Variants in INSYN2B observed in about 807,000 individuals in gnomAD.
INSYN2B encodes the protein protein INSYN2B.
A neutral mutation model predicts 41.2 loss-of-function variants in INSYN2B; 16 were observed. The ratio of observed to expected loss-of-function variants is 0.39; its 90% CI spans 0.26 to 0.59. The LOEUF (loss-of-function observed/expected upper bound fraction) is 0.59. INSYN2B is among the 20% of genes least tolerant of loss of function. The probability of loss-of-function intolerance (pLI) is 0.57; values close to 1 mark genes in which losing one functional copy is unlikely to be tolerated. For missense variants in INSYN2B, 608 were observed against 646.4 expected (o/e 0.94, Z 0.64); for synonymous variants, 245 against 244.4 (o/e 1.00, Z -0.02).
intron 3 of INSYN2B, among the ~76,000 whole-genome samples, chr5:169,873,841 C>T (rs1251299333): frequency 2.0e-5 from 3 of 152,186 alleles, no homozygotes; most frequent in African/African-American, 4.8e-5. Context: ...TGACCTCAAG[C>T]GGCTCACACA....
At chr5:169,972,494 A>ATTATT (rs35770870) in intron 1 of INSYN2B, among the ~76,000 whole-genome samples, 1 of 10,978 alleles carries the variant, frequency 9.1e-5, no homozygotes, top group African/African-American at 5.1e-3. Flanking sequence ...ATTTCAAGGC[A>ATTATT]ATGCCCTTTG....
At chr5:169,952,581 C>T (rs990654267) in intron 1 of INSYN2B, among the ~76,000 whole-genome samples, 1 of 152,088 alleles carries the variant, frequency 6.6e-6, no homozygotes, top group African/African-American at 2.4e-5. Flanking sequence ...GCACATGAGA[C>T]TGTACAGGAG....
intron 1 of INSYN2B, 23 bp downstream of exon 1, chr5:169,980,254 T>A (rs1777892779): frequency 6.6e-6 from 1 of 152,028 alleles, no homozygotes; most frequent in East Asian, 1.9e-4. Flanking sequence ...TCATAAAAAA[T>A]AAAACCTACC....
intron 1 of INSYN2B, among the ~76,000 whole-genome samples, chr5:169,892,280 A>T (rs1022096022): frequency 6.6e-6 from 1 of 152,224 alleles, no homozygotes; most frequent in Non-Finnish European, 1.5e-5. Flanking sequence ...TGAGACTCTG[A>T]GCAGCTGTCT....
intron 1 of INSYN2B, among the ~76,000 whole-genome samples, chr5:169,966,707 TCTC>T (rs1777313860): frequency 6.6e-6 from 1 of 152,074 alleles, no homozygotes; most frequent in African/African-American, 2.4e-5. Context: ...GAGACTATGG[TCTC>T]CTCACTCTGG....
intron 1 of INSYN2B, among the ~76,000 whole-genome samples, chr5:169,935,305 A>G (rs115642201): frequency 3.4e-3 from 525 of 152,352 alleles, no homozygotes; most frequent in Non-Finnish European, 5.7e-3. Context: ...GACCAAAAAA[A>G]GGTCTCATCT....
chr5:169,973,933 A>G (rs571623120), intron 1 of INSYN2B, among the ~76,000 whole-genome samples: 8 of 152,176 alleles, frequency 5.3e-5, no homozygotes, highest in South Asian at 2.1e-4. Context: ...CTCCTCTTCT[A>G]TATAGGCACA....
chr5:169,975,535 A>G (rs1358721781), intron 1 of INSYN2B, among the ~76,000 whole-genome samples: 1 of 152,096 alleles, frequency 6.6e-6, no homozygotes, highest in Non-Finnish European at 1.5e-5. Context: ...AGCTCCTCCG[A>G]CGCTCCAAGC....
chr5:169,925,106 C>A (rs1432904058), intron 1 of INSYN2B, among the ~76,000 whole-genome samples: 1 of 152,006 alleles, frequency 6.6e-6, no homozygotes, highest in Non-Finnish European at 1.5e-5. Context: ...CCACCCCAAC[C>A]CCCCATTCAT....
chr5:169,925,107 C>G (rs1775364786), intron 1 of INSYN2B, among the ~76,000 whole-genome samples: 1 of 152,082 alleles, frequency 6.6e-6, no homozygotes, highest in Non-Finnish European at 1.5e-5. Flanking sequence ...CACCCCAACC[C>G]CCCATTCATC....
At chr5:169,878,019 G>A (rs1772427746) in intron 3 of INSYN2B, among the ~76,000 whole-genome samples, 1 of 152,168 alleles carries the variant, frequency 6.6e-6, no homozygotes, top group Admixed American at 6.5e-5. Context: ...CTGAAACCAA[G>A]CAGTTTTTTC....
intron 1 of INSYN2B, among the ~76,000 whole-genome samples, chr5:169,933,479 A>G (rs937841335): frequency 1.3e-5 from 2 of 152,262 alleles, no homozygotes; most frequent in African/African-American, 4.8e-5. Flanking sequence ...CTGAGCATCA[A>G]GAGTCTGCAT....
At chr5:169,956,877 G>T (rs1200934556) in intron 1 of INSYN2B, among the ~76,000 whole-genome samples, 1 of 152,144 alleles carries the variant, frequency 6.6e-6, no homozygotes, top group African/African-American at 2.4e-5. Context: ...AGGAAAATGT[G>T]TAGGATGTTT....
At chr5:169,898,887 A>G (rs1773764386) in intron 1 of INSYN2B, among the ~76,000 whole-genome samples, 1 of 152,216 alleles carries the variant, frequency 6.6e-6, no homozygotes, top group Non-Finnish European at 1.5e-5. Flanking sequence ...TCAGAGAACC[A>G]GATGGAAATG....
chr5:169,945,261 C>T (rs1776399636), intron 1 of INSYN2B, among the ~76,000 whole-genome samples: 1 of 152,232 alleles, frequency 6.6e-6, no homozygotes, highest in African/African-American at 2.4e-5. Flanking sequence ...TACAACGGGT[C>T]AATAATACCA....
rs1475660161 is a variant in INSYN2B at position 169,883,156 on chromosome 5, G to A, written c.743C>T (p.Thr248Ile). The change falls in exon 2 of 4, where the codon ACT (threonine) becomes ATT (isoleucine). Residue 248 changes from threonine (T) to isoleucine (I), a missense_variant. By Grantham distance (89) the Thr-to-Ile change is moderately conservative. Transcript: ENST00000377365. ...GGTGGATTTTTCTGAATCTAGTGGA[G>A]TCACCCTTCTCCCATCACCTGGACG... ...DTRPGDGRRV[T>I]PLDSEKSTSC... The A allele has an allele frequency of 6.4e-6, 10 of 1,551,480 alleles. No homozygotes were observed. The East Asian group carries it at 2.0e-4, about 30-fold the overall frequency.
intron 1 of INSYN2B, among the ~76,000 whole-genome samples, chr5:169,898,972 A>G (rs139730570): frequency 5.8e-4 from 88 of 152,302 alleles, no homozygotes; most frequent in African/African-American, 2.0e-3. Flanking sequence ...CCAGAAGTTA[A>G]GAACTCAGTC....
rs140484421 is a variant in INSYN2B at position 169,883,713 on chromosome 5, C to A, written c.186G>T (p.Pro62=). Residue 62 remains proline (P), a synonymous_variant, in exon 2 of 4, where the codon CCG becomes CCT. Coordinates refer to ENST00000377365, the MANE Select transcript of INSYN2B (RefSeq NM_001129891.3). ...TTGCTTGAGTCTTCCCCATCACAGC[C>A]GGGTCTTCTGGAGTTTGGACGTCAA... is the stretch of plus-strand genomic sequence containing the variant. ...AEVDVQTPED[P]AVMGKTQATR... 6.4e-7 allele frequency: 1 copy of A among 1,551,384 alleles called. No individual in the cohort carries two copies. The highest frequency in any genetic ancestry group is 1.4e-5 in the African/African-American group (1 of 73,116).
At chr5:169,970,817 T>C (rs1777475538) in intron 1 of INSYN2B, among the ~76,000 whole-genome samples, 1 of 152,228 alleles carries the variant, frequency 6.6e-6, no homozygotes, top group African/African-American at 2.4e-5. Flanking sequence ...TGATCTGATA[T>C]CTGGGCTCCA....
Sources: allele counts gnomAD v4.1 joint callset (sites outside exome capture counted in the v4.1 genomes callset), GRCh38; gene constraint gnomAD v4.1.1; transcripts MANE v1.5; gene names NCBI Gene and HGNC (gene_info 2026-07-23, HGNC 2026-07-21).